The following METTL27 variants were observed in gnomAD, a reference collection of about 807,000 sequenced individuals.
METTL27 encodes methyltransferase-like protein 27.
Under a neutral mutation model 24.5 loss-of-function variants are expected in METTL27, and 29 were observed. That is an observed-to-expected ratio of 1.18 (90% CI 0.88 to 1.61). METTL27 has a LOEUF of 1.61. Among genes scored for constraint, METTL27 ranks in the 40% most tolerant of loss-of-function variants. The pLI is 0.00. For synonymous variants in METTL27, 138 were observed against 146.8 expected (o/e 0.94, Z 0.43); for missense variants, 341 against 324.3 (o/e 1.05, Z -0.40).
intron 5 of METTL27, 84 bp from the exon 6 acceptor site, chr7:73,835,086 A>T: frequency 6.8e-7 from 1 of 1,474,290 alleles, no homozygotes; most frequent in South Asian, 1.4e-5. Flanking sequence ...TGTCCCTTCA[A>T]GGCAAGAAAT....
intron 4 of METTL27, 59 bp downstream of exon 4, chr7:73,840,355 G>C: frequency 6.5e-7 from 1 of 1,547,836 alleles, no homozygotes; most frequent in Non-Finnish European, 8.7e-7. Context: ...TGGAGGATCA[G>C]CAAGGGAAAG....
At chr7:73,840,687 C>A in intron 3 of METTL27, 138 bp from the exon 4 acceptor site, 3 of 1,267,204 alleles carry the variant, frequency 2.4e-6, no homozygotes, top group East Asian at 2.6e-5. Context: ...GAGACAAGGT[C>A]TCTCTCTGTC....
intron 5 of METTL27, among the ~76,000 whole-genome samples, chr7:73,837,407 G>C (rs1249705250): frequency 4.9e-5 from 7 of 143,768 alleles, no homozygotes; most frequent in Non-Finnish European, 1.1e-4. Context: ...AATAAACACT[G>C]TAACCTAATC....
intron 5 of METTL27, among the ~76,000 whole-genome samples, chr7:73,836,136 G>C (rs1317005681): frequency 1.3e-4 from 14 of 111,488 alleles, no homozygotes; most frequent in African/African-American, 3.3e-4. Flanking sequence ...GAGGTGGGGG[G>C]GTCAGCCCCC....
intron 5 of METTL27, among the ~76,000 whole-genome samples, chr7:73,836,951 T>C (rs1554635420): frequency 1.4e-5 from 2 of 139,940 alleles, no homozygotes; most frequent in African/African-American, 5.4e-5. Flanking sequence ...AAAATTCTTC[T>C]GCCTTGGGAT....
chr7:73,839,707 C>T (rs1299320171), intron 5 of METTL27: 1 of 290,368 alleles, frequency 3.4e-6, no homozygotes, highest in Non-Finnish European at 6.4e-6. Flanking sequence ...CAGGATTTCA[C>T]CTGATTCTCA....
intron 1 of METTL27, 82 bp downstream of exon 1, chr7:73,842,408 C>G: frequency 4.4e-6 from 2 of 450,226 alleles, no homozygotes; most frequent in Non-Finnish European, 7.7e-6. Context: ...TTCCTCTTTT[C>G]CGCCCTCCGA....
intron 2 of METTL27, among the ~76,000 whole-genome samples, chr7:73,841,471 C>CT (rs34544195): frequency 0.095 from 12,405 of 131,008 alleles, 1,083 homozygotes; most frequent in African/African-American, 0.2. Context: ...GTCCACATGA[C>CT]TTTTTTTTTT....
At chr7:73,835,435 C>T (rs900518721) in intron 5 of METTL27, among the ~76,000 whole-genome samples, 2 of 144,324 alleles carry the variant, frequency 1.4e-5, no homozygotes, top group Admixed American at 1.4e-4. Context: ...GGCCGGTCTC[C>T]AGCCCCTAAC....
At chr7:73,837,484 A>G (rs1417111088) in intron 5 of METTL27, among the ~76,000 whole-genome samples, 2 of 149,992 alleles carry the variant, frequency 1.3e-5, no homozygotes, top group Admixed American at 1.3e-4. Context: ...TAAAAAAAAA[A>G]AAAAAAAAGA....
Position 73,842,068 on chromosome 7 carries a change from G to A in METTL27, c.73C>T (p.Leu25=), listed in dbSNP as rs1554636575. ...RVRAAHGIPD[L]AQKLHFYDRW... Reference sequence around the variant, plus strand: ...TCATAGAAATGGAGCTTTTGGGCCAGGTCGGGGATGCCATGCGCGGCCCTG... The same window carrying A: ...TCATAGAAATGGAGCTTTTGGGCCAAGTCGGGGATGCCATGCGCGGCCCTG... Residue 25 remains leucine (L), a synonymous_variant, in exon 2 of 6, where the codon CTG becomes TTG. Coordinates refer to ENST00000297873, the MANE Select transcript of METTL27 (RefSeq NM_152559.3). 4.3e-6 allele frequency: 7 copies of A among 1,613,942 alleles called. No individual in the cohort carries two copies. Among genetic ancestry groups the A allele is most frequent in the African/African-American group, 1.3e-5 (1 of 74,926 alleles).
chr7:73,838,097 C>T (rs552525415), intron 5 of METTL27, among the ~76,000 whole-genome samples: 61 of 152,028 alleles, frequency 4.0e-4, no homozygotes, highest in Non-Finnish European at 7.5e-4. Context: ...AAGGGATCCT[C>T]CTGCCTCGGT....
In METTL27 at chr7:73,842,144, C is replaced by T. The variant is rs781996097; in HGVS notation, c.-4G>A. 2 of 1,606,312 alleles carry T rather than the reference C, an allele frequency of 1.2e-6. No homozygotes were observed. The highest frequency in any genetic ancestry group is 1.7e-6 in the Non-Finnish European group (2 of 1,178,364). ...TCCCACCCTCCTCCTGGGCCATGCT[C>T]CTGTGGGGACACCGTTGCCCTGTCT... On this transcript the variant is annotated splice_region_variant and 5_prime_UTR_variant, in exon 2 of 6. Coordinates refer to ENST00000297873, the MANE Select transcript of METTL27 (RefSeq NM_152559.3).
Position 73,840,489 on chromosome 7 carries a change from G to A in METTL27, c.313C>T (p.Gln105Ter), listed in dbSNP as rs782213047. 1 of 1,611,250 alleles carries A rather than the reference G, an allele frequency of 6.2e-7. No homozygotes were observed. The highest frequency in any genetic ancestry group is 8.5e-7 in the Non-Finnish European group (1 of 1,179,206). The change falls in exon 4 of 6, where the codon CAG becomes TAG. Residue 105 changes from glutamine to a stop codon, truncating the protein, a stop_gained. Transcript: ENST00000297873. LOFTEE classifies it high-confidence loss of function. ...GVDGSPGMLE[Q>*]AQAPGLYQRL... ...TGATAGAGGCCGGGGGCCTGGGCCT[G>A]TTCCAGCATCCCTGGGCTCCCATCC...
At chr7:73,835,122 T>A in intron 5 of METTL27, 120 bp from the exon 6 acceptor site, 1 of 246,006 alleles carries the variant, frequency 4.1e-6, no homozygotes, top group East Asian at 1.2e-4. Flanking sequence ...GGGGACGCTC[T>A]CTCCCTCTCC....
At chr7:73,841,236 C>G (rs1554636406) in intron 2 of METTL27, 38 bp from the exon 3 acceptor site, 1 of 1,546,238 alleles carries the variant, frequency 6.5e-7, no homozygotes, top group Non-Finnish European at 8.7e-7. Context: ...ACCGGTGCCC[C>G]AGTGTTTGGG....
chr7:73,836,266 A>C (rs71539226), intron 5 of METTL27, among the ~76,000 whole-genome samples: 1 of 101,278 alleles, frequency 9.9e-6, no homozygotes, highest in South Asian at 3.7e-4. Context: ...CGCCCCGTCC[A>C]GGAGGGAGGT....
chr7:73,836,176 G>A (rs1554635167), intron 5 of METTL27, among the ~76,000 whole-genome samples: 3 of 105,750 alleles, frequency 2.8e-5, no homozygotes, highest in African/African-American at 1.0e-4. Context: ...CCGGGAGGGA[G>A]GTAGGGGGGT....
At chr7:73,837,851 C>G (rs189106345) in intron 5 of METTL27, among the ~76,000 whole-genome samples, 57 of 151,942 alleles carry the variant, frequency 3.8e-4, no homozygotes, top group African/African-American at 7.5e-4. Flanking sequence ...GCCCACCCCC[C>G]CTTTTTTTTC....
Sources: gnomAD v4.1 joint callset for allele counts (sites outside exome capture counted in the v4.1 genomes callset) on GRCh38, gnomAD v4.1.1 for gene constraint, MANE v1.5 for transcripts, NCBI Gene and HGNC (gene_info 2026-07-23, HGNC 2026-07-21) for gene names.